The following TPD52L1 variants were observed in gnomAD, a reference collection of about 807,000 sequenced individuals.
TPD52L1 encodes tumor protein D53.
A neutral mutation model predicts 28.7 loss-of-function variants in TPD52L1; 18 were observed. The ratio of observed to expected loss-of-function variants is 0.63; its 90% CI spans 0.43 to 0.93. The LOEUF (loss-of-function observed/expected upper bound fraction) is 0.93, where lower values mean the gene tolerates loss of function less well. Ranked by LOEUF, TPD52L1 falls within the 40% of genes least tolerant of loss-of-function variation. TPD52L1 has a pLI of 0.00. For missense variants in TPD52L1, 203 were observed against 254.8 expected (o/e 0.80, Z 1.39); for synonymous variants, 75 against 88.8 (o/e 0.84, Z 0.88).
chr6:125,181,884 A>T (rs1235303738), intron 1 of TPD52L1, among the ~76,000 whole-genome samples: 1 of 152,206 alleles, frequency 6.6e-6, no homozygotes, highest in East Asian at 1.9e-4. Context: ...TCCACGAACC[A>T]AGGTGTTTCA....
intron 3 of TPD52L1, among the ~76,000 whole-genome samples, chr6:125,243,561 T>G (rs1198794701): frequency 6.6e-6 from 1 of 152,080 alleles, no homozygotes; most frequent in East Asian, 1.9e-4. Context: ...CCTCTGAAGT[T>G]TTTTTCTACT....
intron 3 of TPD52L1, among the ~76,000 whole-genome samples, chr6:125,237,669 C>G (rs1183443265): frequency 6.6e-6 from 1 of 152,006 alleles, no homozygotes; most frequent in African/African-American, 2.4e-5. Flanking sequence ...CTGTACTTTC[C>G]TCACTTCCAA....
intron 6 of TPD52L1, among the ~76,000 whole-genome samples, chr6:125,257,880 G>T (rs3799727): frequency 6.6e-6 from 1 of 151,966 alleles, no homozygotes; most frequent in South Asian, 2.1e-4. Context: ...ATTTTTAAAG[G>T]TATCACTTAA....
At chr6:125,247,247 G>GA (rs1421469492) in intron 3 of TPD52L1, among the ~76,000 whole-genome samples, 1 of 152,084 alleles carries the variant, frequency 6.6e-6, no homozygotes, top group Non-Finnish European at 1.5e-5. Flanking sequence ...GCATAAATCA[G>GA]AAGAAGACAG....
In TPD52L1 at chr6:125,212,516, C is replaced by G. The variant is rs3799748; in HGVS notation, c.20-7562C>G. Reference sequence around the variant, plus strand: ...CTCCACAGGAGAGCTTGCCAGCATGCGCTGGAAGTGTGTGGATGCCAATGA... The same window carrying G: ...CTCCACAGGAGAGCTTGCCAGCATGGGCTGGAAGTGTGTGGATGCCAATGA... On this transcript the variant is annotated intron_variant, in intron 1 of 6. Coordinates refer to ENST00000534000, the MANE Select transcript of TPD52L1 (RefSeq NM_003287.4). 1.1e-4 allele frequency among the ~76,000 whole-genome samples: 17 copies of G among 152,328 alleles called. No individual in the cohort carries two copies. In the East Asian group the frequency reaches 2.3e-3, roughly 21 times the overall value.
At chr6:125,236,137 TTCA>T (rs1562349008) in intron 3 of TPD52L1, among the ~76,000 whole-genome samples, 2 of 152,172 alleles carry the variant, frequency 1.3e-5, no homozygotes, top group Non-Finnish European at 2.9e-5. Flanking sequence ...GGGCCTCAGT[TTCA>T]TCATCTGTAA....
chr6:125,221,671 G>T (rs1795241873), intron 2 of TPD52L1, among the ~76,000 whole-genome samples: 1 of 152,142 alleles, frequency 6.6e-6, no homozygotes, highest in Non-Finnish European at 1.5e-5. Context: ...CAAGAAAAAA[G>T]TAAGTATTGG....
Position 125,263,238 on chromosome 6 carries a change from T to C in TPD52L1, c.*276T>C, listed in dbSNP as rs1798158969. 1.8e-5 allele frequency: 7 copies of C among 386,074 alleles called. No homozygotes were observed. In the South Asian group the frequency reaches 2.7e-4, roughly 15 times the overall value. 23.9% of individuals were successfully genotyped at this position (386,074 alleles called of 1,614,324 possible). A position where few individuals can be genotyped will look rare whatever the true frequency, so the allele number is the denominator to read the frequency against. On this transcript the variant is annotated 3_prime_UTR_variant, in exon 7 of 7. Coordinates refer to ENST00000534000, the MANE Select transcript of TPD52L1 (RefSeq NM_003287.4). ...CACAACTGGTCATAATTCCTGTCTG[T>C]GTAATTCGATGTATATTTTTCCAAA... is the stretch of plus-strand genomic sequence containing the variant.
chr6:125,185,068 T>C (rs1479362301), intron 1 of TPD52L1, among the ~76,000 whole-genome samples: 1 of 152,134 alleles, frequency 6.6e-6, no homozygotes, highest in Non-Finnish European at 1.5e-5. Flanking sequence ...TAAGAGCAAT[T>C]TGTATTGGAA....
intron 5 of TPD52L1, 72 bp from the exon 6 acceptor site, chr6:125,257,026 A>C: frequency 6.5e-6 from 9 of 1,376,942 alleles, no homozygotes; most frequent in Non-Finnish European, 9.0e-6. Flanking sequence ...AGATATGAGC[A>C]GAAAACCAAA....
At chr6:125,231,472 T>G (rs1795943498) in intron 3 of TPD52L1, among the ~76,000 whole-genome samples, 1 of 152,236 alleles carries the variant, frequency 6.6e-6, no homozygotes, top group Non-Finnish European at 1.5e-5. Flanking sequence ...ATTTGTGTTT[T>G]TCCATGTTTG....
At chr6:125,197,754 C>T (rs757982262) in intron 1 of TPD52L1, among the ~76,000 whole-genome samples, 1 of 152,134 alleles carries the variant, frequency 6.6e-6, no homozygotes, top group Non-Finnish European at 1.5e-5. Flanking sequence ...TTTTCAGAGT[C>T]TAAAAGAGGC....
At chr6:125,169,619 T>C (rs1791146752) in intron 1 of TPD52L1, among the ~76,000 whole-genome samples, 1 of 152,220 alleles carries the variant, frequency 6.6e-6, no homozygotes, top group African/African-American at 2.4e-5. Context: ...ACTTTCAAGA[T>C]GTAGCCAGAA....
intron 1 of TPD52L1, among the ~76,000 whole-genome samples, chr6:125,176,056 G>A (rs1791804950): frequency 7.2e-6 from 1 of 138,504 alleles, no homozygotes; most frequent in Non-Finnish European, 1.5e-5. Flanking sequence ...GATTGCCATG[G>A]ACTCTTAAGC....
At chr6:125,244,053 G>T (rs1204069870) in intron 3 of TPD52L1, among the ~76,000 whole-genome samples, 1 of 151,976 alleles carries the variant, frequency 6.6e-6, no homozygotes, top group East Asian at 1.9e-4. Flanking sequence ...TGCTTGTAGG[G>T]TTGAAGACTC....
At chr6:125,247,304 T>C (rs968222164) in intron 3 of TPD52L1, among the ~76,000 whole-genome samples, 1 of 152,138 alleles carries the variant, frequency 6.6e-6, no homozygotes, top group Admixed American at 6.6e-5. Flanking sequence ...TGTATAAAAA[T>C]TTTGTTGATT....
chr6:125,244,703 C>A (rs1168858073), intron 3 of TPD52L1, among the ~76,000 whole-genome samples: 1 of 152,164 alleles, frequency 6.6e-6, no homozygotes, highest in Non-Finnish European at 1.5e-5. Flanking sequence ...GGAAGCCCAA[C>A]TGTGTCTGCA....
chr6:125,212,079 A>G (rs1794558198), intron 1 of TPD52L1, among the ~76,000 whole-genome samples: 1 of 152,190 alleles, frequency 6.6e-6, no homozygotes, highest in Non-Finnish European at 1.5e-5. Context: ...TGGGGAATAC[A>G]TGTAGATATT....
intron 1 of TPD52L1, among the ~76,000 whole-genome samples, chr6:125,201,101 A>G (rs1793774887): frequency 6.6e-6 from 1 of 152,204 alleles, no homozygotes; most frequent in Non-Finnish European, 1.5e-5. Context: ...GTTTTCTGTC[A>G]TGTGGTCTTA....
Sources: allele counts gnomAD v4.1 joint callset (sites outside exome capture counted in the v4.1 genomes callset), GRCh38; gene constraint gnomAD v4.1.1; transcripts MANE v1.5; gene names NCBI Gene and HGNC (gene_info 2026-07-23, HGNC 2026-07-21).